The following AGBL1 variants were observed in gnomAD, a reference collection of about 807,000 sequenced individuals.
The protein encoded by AGBL1 is AGBL carboxypeptidase 1.
A neutral mutation model predicts 118.9 loss-of-function variants in AGBL1; 130 were observed. That is an observed-to-expected ratio of 1.09 (90% CI 0.95 to 1.26). The LOEUF is 1.26. Among genes scored for constraint, AGBL1 ranks in the 50% most tolerant of loss-of-function variants. The pLI is 0.00. For missense variants in AGBL1, 1,584 were observed against 1,298.1 expected (o/e 1.22, Z -3.38); for synonymous variants, 555 against 478.9 (o/e 1.16, Z -2.08).
chr15:86,681,379 T>A (rs1359437530), intron 22 of AGBL1, among the ~76,000 whole-genome samples: 1 of 152,220 alleles, frequency 6.6e-6, no homozygotes, highest in Non-Finnish European at 1.5e-5. Flanking sequence ...TCCATTTGGA[T>A]CAGTTATCTT....
chr15:86,951,356 A>G (rs1181203660), intron 23 of AGBL1, among the ~76,000 whole-genome samples: 1 of 152,250 alleles, frequency 6.6e-6, no homozygotes, highest in Non-Finnish European at 1.5e-5. Flanking sequence ...ATAAATACTT[A>G]CGTTCATCAA....
chr15:86,222,539 C>T, intron 5 of AGBL1, among the ~76,000 whole-genome samples: 1 of 152,230 alleles, frequency 6.6e-6, no homozygotes, highest in South Asian at 2.1e-4. Context: ...ATTTAAAAAA[C>T]CAAATGGCTT....
At chr15:86,203,111 A>AATGATG (rs570110878) in intron 5 of AGBL1, among the ~76,000 whole-genome samples, 6 of 151,664 alleles carry the variant, frequency 4.0e-5, no homozygotes, top group African/African-American at 9.7e-5. Flanking sequence ...TGATAGTGAT[A>AATGATG]ATGATGATGA....
In AGBL1 at chr15:86,625,843, G is replaced by A. The variant is rs541364357; in HGVS notation, c.2995-48430G>A. Among the ~76,000 whole-genome samples the A allele has an allele frequency of 3.7e-4, 57 of 152,176 alleles. No individual in the cohort carries two copies. The South Asian group carries it at 6.9e-3, about 18-fold the overall frequency. On this transcript the variant is annotated intron_variant, in intron 21 of 22. Coordinates refer to ENST00000614907, the MANE Select transcript of AGBL1 (RefSeq NM_001386094.1). ...TGAGAATCCAGCCATGCCAATATCC[G>A]AATGCAAATAAAAGCAAGAAAAAGC...
At chr15:86,284,137 C>G (rs2079401841) in intron 16 of AGBL1, among the ~76,000 whole-genome samples, 1 of 149,982 alleles carries the variant, frequency 6.7e-6, no homozygotes, top group Non-Finnish European at 1.5e-5. Flanking sequence ...CGATTATTTT[C>G]TCTGTTGGAC....
At chr15:86,297,293 G>T (rs916332458) in intron 17 of AGBL1, among the ~76,000 whole-genome samples, 1 of 151,990 alleles carries the variant, frequency 6.6e-6, no homozygotes, top group Non-Finnish European at 1.5e-5. Flanking sequence ...TTTGTCACTT[G>T]CAAATGACAA....
chr15:87,003,268 G>C (rs972375046), intron 24 of AGBL1, among the ~76,000 whole-genome samples: 4 of 152,074 alleles, frequency 2.6e-5, no homozygotes, highest in Non-Finnish European at 5.9e-5. Flanking sequence ...CTGTTTATAT[G>C]CTGGATTATG....
chr15:86,638,637 T>G (rs535023501), intron 21 of AGBL1, among the ~76,000 whole-genome samples: 1 of 152,184 alleles, frequency 6.6e-6, no homozygotes, highest in African/African-American at 2.4e-5. Flanking sequence ...GTAATCCGAA[T>G]AGAGAGCTTG....
chr15:86,512,281 T>C (rs2083061243), intron 18 of AGBL1, among the ~76,000 whole-genome samples: 1 of 151,962 alleles, frequency 6.6e-6, no homozygotes, highest in Admixed American at 6.6e-5. Context: ...ATCTGGGTTT[T>C]TTCTAATATA....
chr15:86,942,371 T>G (rs1436810650), intron 23 of AGBL1, among the ~76,000 whole-genome samples: 2 of 152,212 alleles, frequency 1.3e-5, no homozygotes, highest in African/African-American at 4.8e-5. Context: ...TCTTCTAGAT[T>G]CCCTGACTCT....
chr15:86,241,413 A>G (rs1020629092), intron 6 of AGBL1, among the ~76,000 whole-genome samples: 1 of 152,150 alleles, frequency 6.6e-6, no homozygotes, highest in Non-Finnish European at 1.5e-5. Context: ...TATTGCTTTA[A>G]TATTTACAGA....
At chr15:86,592,116 C>G (rs2084345267) in intron 21 of AGBL1, among the ~76,000 whole-genome samples, 2 of 152,292 alleles carry the variant, frequency 1.3e-5, no homozygotes, top group African/African-American at 4.8e-5. Context: ...TAAATTTGAT[C>G]ACTTGGTTAA....
At chr15:86,304,555 T>C (rs1406615352) in intron 17 of AGBL1, among the ~76,000 whole-genome samples, 2 of 152,204 alleles carry the variant, frequency 1.3e-5, no homozygotes, top group Non-Finnish European at 2.9e-5. Flanking sequence ...ACACAGTCTC[T>C]GCATGAAGCA....
chr15:86,173,938 T>C (rs1007961601), intron 5 of AGBL1, among the ~76,000 whole-genome samples: 2 of 152,180 alleles, frequency 1.3e-5, no homozygotes, highest in African/African-American at 4.8e-5. Flanking sequence ...TGTTTTGTGG[T>C]TTCATATGAA....
intron 1 of AGBL1, among the ~76,000 whole-genome samples, chr15:86,117,693 C>T (rs1478863217): frequency 6.6e-6 from 1 of 152,156 alleles, no homozygotes; most frequent in Non-Finnish European, 1.5e-5. Context: ...AAAAGTTTCC[C>T]TCCTGATCAT....
chr15:86,627,224 T>A (rs1456957634), intron 21 of AGBL1, among the ~76,000 whole-genome samples: 1 of 152,288 alleles, frequency 6.6e-6, no homozygotes, highest in South Asian at 2.1e-4. Flanking sequence ...AGTCTCGAAC[T>A]CCCGACCTCA....
Position 86,813,204 on chromosome 15 carries a change from G to GT in AGBL1, c.3159-93883_3159-93882insT, listed in dbSNP as rs1043303306. 2.5e-3 allele frequency among the ~76,000 whole-genome samples: 39 copies of GT among 15,414 alleles called. 1 individual carries two copies. Among genetic ancestry groups the GT allele is most frequent in the Non-Finnish European group, 7.7e-3 (36 of 4,694 alleles). 10.1% of individuals were successfully genotyped at this position (15,414 alleles called of 152,430 possible). ...ATGATGGGTCACACCTTTGAGGGTT[G>GT]GGGGGGCCTCAGGGGATGTGGAGGG... On this transcript the variant is annotated intron_variant, in intron 22 of 22. Coordinates refer to ENST00000614907, the MANE Select transcript of AGBL1 (RefSeq NM_001386094.1).
Position 86,195,004 on chromosome 15 carries a change from C to G in AGBL1, c.489-29910C>G, listed in dbSNP as rs1484762648. On this transcript the variant is annotated intron_variant, in intron 5 of 22. Transcript: ENST00000614907. ...TATAAATTCATTCTTTTATTATAGTCACTAAGCATGAGTGATTTACTTCTT... is the reference window on the plus strand; with the variant it reads ...TATAAATTCATTCTTTTATTATAGTGACTAAGCATGAGTGATTTACTTCTT... Among the ~76,000 whole-genome samples, 3 of 152,150 alleles carry G rather than the reference C, an allele frequency of 2.0e-5. No individual in the cohort carries two copies. In the East Asian group the frequency reaches 5.8e-4, roughly 29 times the overall value.
At chr15:86,870,472 AAAAAAAAAAAAAAAAAAAAAAAAAG>A (rs1567216593) in intron 22 of AGBL1, among the ~76,000 whole-genome samples, 1 of 33,696 alleles carries the variant, frequency 3.0e-5, no homozygotes, top group African/African-American at 7.7e-5. Flanking sequence ...AAAAAAAAAA[AAAAAAAAAAAAAAAAAAAAAAAAAG>A]AAGAAACAAA....
Sources: allele counts gnomAD v4.1 joint callset (sites outside exome capture counted in the v4.1 genomes callset), GRCh38; gene constraint gnomAD v4.1.1; transcripts MANE v1.5; gene names NCBI Gene and HGNC (gene_info 2026-07-23, HGNC 2026-07-21).